The following ADGRB3 variants were observed in gnomAD, a reference collection of about 807,000 sequenced individuals.
ADGRB3 encodes the protein brain-specific angiogenesis inhibitor 3.
Under a neutral mutation model 193.4 loss-of-function variants are expected in ADGRB3, and 37 were observed. The observed-to-expected ratio is 0.19, with a 90% CI of 0.15 to 0.25. ADGRB3 has a LOEUF of 0.25. Among genes scored for constraint, ADGRB3 ranks in the 10% least tolerant of loss-of-function variants. ADGRB3 has a pLI of 1.00. For synonymous variants in ADGRB3, 690 were observed against 644.2 expected, an observed-to-expected ratio of 1.07 and a Z score of -1.08; for missense variants, 1,637 against 1,852.9, an observed-to-expected ratio of 0.88 and a Z score of 2.14.
chr6:69,319,093 A>G (rs1358415811), intron 20 of ADGRB3, among the ~76,000 whole-genome samples: 1 of 151,054 alleles, frequency 6.6e-6, no homozygotes, highest in Non-Finnish European at 1.5e-5. Context: ...TAAGTAGCCC[A>G]CTAATTTTCA....
chr6:68,636,619 A>G (rs1165083610), intron 1 of ADGRB3, among the ~76,000 whole-genome samples: 1 of 152,008 alleles, frequency 6.6e-6, no homozygotes, highest in Non-Finnish European at 1.5e-5. Flanking sequence ...TTAGAACAAA[A>G]TAAGACTGTG....
At chr6:68,693,455 G>A (rs1469861888) in intron 3 of ADGRB3, among the ~76,000 whole-genome samples, 1 of 151,910 alleles carries the variant, frequency 6.6e-6, no homozygotes, top group Non-Finnish European at 1.5e-5. Context: ...GGTTAGTGGG[G>A]CTTCTCTGAT....
At chr6:69,158,220 C>T (rs543189685) in intron 17 of ADGRB3, among the ~76,000 whole-genome samples, 33 of 151,402 alleles carry the variant, frequency 2.2e-4, no homozygotes, top group Middle Eastern at 3.4e-3. Context: ...TTTATTTTCC[C>T]CCTCACACCT....
chr6:68,738,456 G>A (rs1386812474), intron 3 of ADGRB3, among the ~76,000 whole-genome samples: 1 of 152,086 alleles, frequency 6.6e-6, no homozygotes, highest in Non-Finnish European at 1.5e-5. Context: ...TGAATTAGGG[G>A]GGAAATAAGT....
intron 3 of ADGRB3, among the ~76,000 whole-genome samples, chr6:68,769,747 T>C (rs1487520281): frequency 1.3e-5 from 2 of 152,080 alleles, no homozygotes; most frequent in African/African-American, 4.8e-5. Context: ...AAGTTAAAAG[T>C]TTTAATCTTT....
At chr6:69,035,811 T>C (rs1770851171) in intron 13 of ADGRB3, among the ~76,000 whole-genome samples, 2 of 152,136 alleles carry the variant, frequency 1.3e-5, no homozygotes, top group Admixed American at 1.3e-4. Flanking sequence ...GTAAGTACAA[T>C]GATGAATTGG....
intron 17 of ADGRB3, among the ~76,000 whole-genome samples, chr6:69,148,902 A>G (rs1421380573): frequency 1.3e-5 from 2 of 152,164 alleles, no homozygotes; most frequent in African/African-American, 2.4e-5. Context: ...GTCTTTTGCC[A>G]GACATATTGG....
chr6:69,165,404 C>G (rs1775105458), intron 17 of ADGRB3, among the ~76,000 whole-genome samples: 1 of 151,548 alleles, frequency 6.6e-6, no homozygotes, highest in African/African-American at 2.4e-5. Flanking sequence ...CGGCAGCCAT[C>G]CCCCCCAACT....
chr6:69,292,397 G>A (rs1209773253), intron 20 of ADGRB3, among the ~76,000 whole-genome samples: 1 of 152,028 alleles, frequency 6.6e-6, no homozygotes, highest in African/African-American at 2.4e-5. Context: ...TGATATATAG[G>A]ACAAAGAAAA....
At chr6:68,985,332 G>C (rs1348306787) in intron 10 of ADGRB3, among the ~76,000 whole-genome samples, 1 of 152,162 alleles carries the variant, frequency 6.6e-6, no homozygotes, top group African/African-American at 2.4e-5. Flanking sequence ...GCACATTAAA[G>C]TTTGAGAAAC....
intron 17 of ADGRB3, among the ~76,000 whole-genome samples, chr6:69,166,916 T>C (rs1775143996): frequency 6.6e-6 from 1 of 152,168 alleles, no homozygotes. Flanking sequence ...CACTGATCTT[T>C]TTTTAATCTG....
chr6:69,142,428 T>C (rs996775491), intron 17 of ADGRB3, among the ~76,000 whole-genome samples: 3 of 152,142 alleles, frequency 2.0e-5, no homozygotes, highest in African/African-American at 7.2e-5. Flanking sequence ...GCCATTTAGT[T>C]TAGTTGGTTA....
At chr6:68,750,774 A>T (rs1216325397) in intron 3 of ADGRB3, among the ~76,000 whole-genome samples, 1 of 152,186 alleles carries the variant, frequency 6.6e-6, no homozygotes, top group African/African-American at 2.4e-5. Flanking sequence ...GATGGGCATA[A>T]TGTCATCCAG....
chr6:68,908,761 T>C (rs1043100890), intron 3 of ADGRB3, among the ~76,000 whole-genome samples: 2 of 152,158 alleles, frequency 1.3e-5, no homozygotes, highest in African/African-American at 4.8e-5. Context: ...TATATTTTTA[T>C]CTTGAAGTTA....
rs1481565361 is a variant in ADGRB3 at position 68,849,668 on chromosome 6, C to CT, written c.758-80890dup. On this transcript the variant is annotated intron_variant, in intron 3 of 31. Transcript: ENST00000370598. ...TCTCATTTTTAGCATTAGCTGGACA[C>CT]TATCTCACCCAAGTCTCAATGTCAC... is the stretch of plus-strand genomic sequence containing the variant. 2.0e-5 allele frequency among the ~76,000 whole-genome samples: 3 copies of CT among 151,944 alleles called. No homozygotes were observed. In the East Asian group the frequency reaches 5.8e-4, roughly 29 times the overall value.
At chr6:68,673,094 A>G (rs1247528419) in intron 3 of ADGRB3, among the ~76,000 whole-genome samples, 4 of 151,752 alleles carry the variant, frequency 2.6e-5, no homozygotes, top group Admixed American at 2.6e-4. Flanking sequence ...GTCTGTGTGT[A>G]TGTTTGTGTA....
chr6:68,657,252 C>CA (rs1177485347), intron 3 of ADGRB3, among the ~76,000 whole-genome samples: 1 of 151,112 alleles, frequency 6.6e-6, no homozygotes, highest in Admixed American at 6.6e-5. Context: ...GTGCTAAAAA[C>CA]AAAAATGGTC....
At chr6:69,107,799 C>A (rs1773254341) in intron 17 of ADGRB3, among the ~76,000 whole-genome samples, 1 of 151,998 alleles carries the variant, frequency 6.6e-6, no homozygotes, top group Non-Finnish European at 1.5e-5. Flanking sequence ...AAAAGAAAAC[C>A]AAATACTGCA....
intron 15 of ADGRB3, among the ~76,000 whole-genome samples, chr6:69,052,040 A>G (rs573241958): frequency 3.0e-4 from 45 of 152,142 alleles, no homozygotes; most frequent in Non-Finnish European, 4.1e-4. Context: ...TCAGGCGCCC[A>G]CCACCACGCC....
Sources: allele counts gnomAD v4.1 joint callset (sites outside exome capture counted in the v4.1 genomes callset), GRCh38; gene constraint gnomAD v4.1.1; transcripts MANE v1.5; gene names NCBI Gene and HGNC (gene_info 2026-07-23, HGNC 2026-07-21).